Variants in SRPK2 observed in about 807,000 individuals in gnomAD.
SRPK2 encodes SFRS protein kinase 2.
Under a neutral mutation model 90.8 loss-of-function variants are expected in SRPK2, and 21 were observed. The observed-to-expected ratio is 0.23, with a 90% confidence interval of 0.16 to 0.33. SRPK2 has a LOEUF of 0.33. Among genes scored for constraint, SRPK2 ranks in the 10% least tolerant of loss-of-function variants. The pLI, the probability that SRPK2 is intolerant of heterozygous loss-of-function variation, is 1.00. For missense variants in SRPK2, 620 were observed against 869.0 expected (o/e 0.71, Z 3.60); for synonymous variants, 288 against 311.1 (o/e 0.93, Z 0.78).
chr7:105,389,718 C>T (rs1822095142), upstream of SRPK2, among the ~76,000 whole-genome samples: 1 of 152,094 alleles, frequency 6.6e-6, no homozygotes, highest in Admixed American at 6.6e-5. Flanking sequence ...CAGGCCTGGC[C>T]GTCGACAAAC....
intron 2 of SRPK2, among the ~76,000 whole-genome samples, chr7:105,265,742 CA>C (rs902879380): frequency 4.0e-5 from 6 of 151,216 alleles, no homozygotes; most frequent in African/African-American, 1.5e-4. Context: ...AACAGGCACT[CA>C]AAAAAAAGGA....
chr7:105,253,008 C>T (rs1485975552), intron 2 of SRPK2, among the ~76,000 whole-genome samples: 1 of 152,068 alleles, frequency 6.6e-6, no homozygotes, highest in Non-Finnish European at 1.5e-5. Context: ...CTCCCAAAGT[C>T]CTGGGATTAC....
At position 105,262,770 on chromosome 7, in the gene SRPK2, A is replaced by C. The variant is rs568705855; in HGVS notation, c.72-58985T>G. 3.0e-4 allele frequency among the ~76,000 whole-genome samples: 46 copies of C among 152,274 alleles called. 1 individual carries two copies. In the South Asian group the frequency reaches 9.5e-3, roughly 32 times the overall value. ...CTTCTAATCCTCCTCAAAATGGTGC[A>C]AACTCTGGGTAACACTGGTAGAGCC... On this transcript the variant is annotated intron_variant, in intron 2 of 15. Transcript: ENST00000393651.
intron 2 of SRPK2, among the ~76,000 whole-genome samples, chr7:105,322,129 G>T (rs1487147227): frequency 1.3e-5 from 2 of 152,170 alleles, no homozygotes; most frequent in Non-Finnish European, 2.9e-5. Context: ...GGAATGGAAT[G>T]TTGGGCCAGG....
At chr7:105,337,674 G>A (rs139395702) in intron 2 of SRPK2, among the ~76,000 whole-genome samples, 89 of 152,120 alleles carry the variant, frequency 5.9e-4, no homozygotes, top group African/African-American at 1.9e-3. Context: ...TCTCCTAAGC[G>A]CGATGGCACA....
intron 10 of SRPK2, 137 bp from the exon 11 acceptor site, chr7:105,142,627 G>C: frequency 6.6e-6 from 8 of 1,216,458 alleles, no homozygotes; most frequent in Non-Finnish European, 7.8e-6. Flanking sequence ...GGCTTTTGGG[G>C]TAAAACCTTC....
chr7:105,127,230 G>C (rs1801335087), intron 13 of SRPK2, among the ~76,000 whole-genome samples, 168 bp from the exon 14 acceptor site: 1 of 152,206 alleles, frequency 6.6e-6, no homozygotes, highest in Admixed American at 6.5e-5. Context: ...ATTCAAAGAA[G>C]TTTCAGAAGT....
intron 2 of SRPK2, among the ~76,000 whole-genome samples, chr7:105,228,569 G>T (rs2129618908): frequency 6.6e-6 from 1 of 152,190 alleles, no homozygotes; most frequent in East Asian, 1.9e-4. Context: ...GCCTGCAAGG[G>T]GCCATCTGAG....
intron 2 of SRPK2, among the ~76,000 whole-genome samples, chr7:105,354,968 T>C (rs188810680): frequency 6.6e-6 from 1 of 152,298 alleles, no homozygotes; most frequent in Admixed American, 6.5e-5. Context: ...TTATTCCAGA[T>C]ATTTGATATA....
At chr7:105,128,958 T>C (rs993502892) in intron 13 of SRPK2, among the ~76,000 whole-genome samples, 17 of 152,252 alleles carry the variant, frequency 1.1e-4, no homozygotes, top group African/African-American at 3.4e-4. Flanking sequence ...AAAACATGTA[T>C]AGAAGCCAAT....
rs151066966 is a variant in SRPK2 at position 105,249,403 on chromosome 7, C to T, written c.72-45618G>A. The stretch of plus-strand genomic sequence containing the variant: ...GGAAAATGCTCTGTAAAATGAAAGG[C>T]ATTTAAGTTATTTCTTCCCTGGCTA... On this transcript the variant is annotated intron_variant, in intron 2 of 15. Coordinates refer to ENST00000393651, the MANE Select transcript of SRPK2 (RefSeq NM_182692.3). Among the ~76,000 whole-genome samples the T allele has an allele frequency of 2.3e-3, 343 of 151,750 alleles. 1 individual carries two copies. The highest frequency in any genetic ancestry group is 8.0e-3 in the African/African-American group (329 of 41,294).
intron 2 of SRPK2, among the ~76,000 whole-genome samples, chr7:105,246,782 T>C (rs978416303): frequency 1.3e-5 from 2 of 152,264 alleles, no homozygotes; most frequent in African/African-American, 4.8e-5. Flanking sequence ...CAATCAACTA[T>C]AAATTTTAAC....
At chr7:105,200,820 A>C (rs1328329306) in intron 3 of SRPK2, among the ~76,000 whole-genome samples, 1 of 152,244 alleles carries the variant, frequency 6.6e-6, no homozygotes, top group Non-Finnish European at 1.5e-5. Context: ...ACTGTTCCAA[A>C]TTAAAAGAAA....
intron 2 of SRPK2, among the ~76,000 whole-genome samples, chr7:105,261,043 CA>C (rs1804195443): frequency 1.6e-5 from 1 of 63,208 alleles, no homozygotes; most frequent in African/African-American, 4.9e-5. Context: ...AAAAAAAAAA[CA>C]GTATGGAGTG....
intron 11 of SRPK2, among the ~76,000 whole-genome samples, chr7:105,140,204 T>C (rs909883893): frequency 3.3e-5 from 5 of 152,072 alleles, no homozygotes; most frequent in Non-Finnish European, 5.9e-5. Flanking sequence ...GCTGAACACA[T>C]GGATGGGAAA....
At chr7:105,386,127 A>C (rs1363424004) in intron 2 of SRPK2, among the ~76,000 whole-genome samples, 4 of 151,710 alleles carry the variant, frequency 2.6e-5, no homozygotes, top group African/African-American at 7.2e-5. Flanking sequence ...ATCCTGGCTA[A>C]CACGGTGAAA....
intron 2 of SRPK2, among the ~76,000 whole-genome samples, chr7:105,290,725 T>A (rs1038438254): frequency 3.3e-5 from 5 of 151,966 alleles, no homozygotes; most frequent in African/African-American, 1.2e-4. Context: ...AGCTATGAAA[T>A]TTAGAATGAC....
chr7:105,347,025 ATTAAT>A (rs1033821930), intron 2 of SRPK2, among the ~76,000 whole-genome samples: 4 of 151,750 alleles, frequency 2.6e-5, no homozygotes, highest in South Asian at 4.2e-4. Context: ...ATTAATATAA[ATTAAT>A]TTATCTTTTA....
At chr7:105,180,065 G>A (rs979466415) in intron 3 of SRPK2, among the ~76,000 whole-genome samples, 1 of 152,004 alleles carries the variant, frequency 6.6e-6, no homozygotes, top group Non-Finnish European at 1.5e-5. Flanking sequence ...ATTCTTCACA[G>A]AATTAGAAAG....
Sources: gnomAD v4.1 joint callset for allele counts (sites outside exome capture counted in the v4.1 genomes callset) on GRCh38, gnomAD v4.1.1 for gene constraint, MANE v1.5 for transcripts, NCBI Gene and HGNC (gene_info 2026-07-23, HGNC 2026-07-21) for gene names.